The following ITFG1 variants were observed in gnomAD, a reference collection of about 807,000 sequenced individuals.
ITFG1 encodes T-cell immunomodulatory protein.
In ITFG1, 34 loss-of-function variants were observed where a neutral mutation model predicts 81.8. That is an observed-to-expected ratio of 0.42 (90% CI 0.32 to 0.55). The LOEUF (loss-of-function observed/expected upper bound fraction) is 0.55, where lower values mean the gene tolerates loss of function less well. ITFG1 is among the 20% of genes least tolerant of loss of function. The pLI is 0.17. For synonymous variants in ITFG1, 285 were observed against 270.6 expected (o/e 1.05, Z -0.52); for missense variants, 672 against 755.4 (o/e 0.89, Z 1.29).
intron 8 of ITFG1, among the ~76,000 whole-genome samples, chr16:47,319,210 A>C (rs1330914336): frequency 6.6e-6 from 1 of 152,182 alleles, no homozygotes; most frequent in Non-Finnish European, 1.5e-5. Context: ...TGTTGCTATC[A>C]CTACAATCTC....
chr16:47,253,057 A>G (rs1162329258), intron 12 of ITFG1, among the ~76,000 whole-genome samples: 1 of 152,108 alleles, frequency 6.6e-6, no homozygotes, highest in East Asian at 1.9e-4. Flanking sequence ...TCCTGCACCA[A>G]ATTGGCTATC....
intron 8 of ITFG1, among the ~76,000 whole-genome samples, chr16:47,353,739 T>C (rs1327155326): frequency 6.6e-6 from 1 of 151,984 alleles, no homozygotes; most frequent in East Asian, 1.9e-4. Flanking sequence ...AGCATTTCTA[T>C]ACATAATAAT....
intron 12 of ITFG1, among the ~76,000 whole-genome samples, chr16:47,250,986 G>T (rs1355654028): frequency 2.0e-5 from 3 of 152,212 alleles, no homozygotes; most frequent in East Asian, 3.8e-4. Flanking sequence ...GTTCTTGGTA[G>T]CTAAGTAAAG....
At chr16:47,290,752 T>C (rs1966895588) in intron 10 of ITFG1, among the ~76,000 whole-genome samples, 2 of 152,180 alleles carry the variant, frequency 1.3e-5, no homozygotes, top group African/African-American at 4.8e-5. Context: ...TGTTTTTAAA[T>C]CCATTCAGTC....
At chr16:47,432,550 A>C (rs548820492) in intron 5 of ITFG1, among the ~76,000 whole-genome samples, 2 of 152,344 alleles carry the variant, frequency 1.3e-5, no homozygotes, top group Non-Finnish European at 2.9e-5. Context: ...AACACACTTT[A>C]ACCTAAATAA....
At chr16:47,260,879 T>C (rs1046970246) in intron 10 of ITFG1, among the ~76,000 whole-genome samples, 184 bp from the exon 11 acceptor site, 1 of 152,222 alleles carries the variant, frequency 6.6e-6, no homozygotes, top group Non-Finnish European at 1.5e-5. Context: ...TTTTCAACCT[T>C]TGGCAAAAAT....
At chr16:47,338,642 G>A (rs1967740662) in intron 8 of ITFG1, among the ~76,000 whole-genome samples, 1 of 149,518 alleles carries the variant, frequency 6.7e-6, no homozygotes, top group South Asian at 2.1e-4. Context: ...AGACTTACCA[G>A]ACAAAAACTT....
intron 2 of ITFG1, among the ~76,000 whole-genome samples, chr16:47,457,436 C>T (rs370774092): frequency 2.0e-5 from 3 of 151,902 alleles, no homozygotes; most frequent in East Asian, 3.9e-4. Context: ...GATTTAATTA[C>T]ACTGGGACAA....
intron 8 of ITFG1, among the ~76,000 whole-genome samples, chr16:47,348,578 G>T (rs534443665): frequency 1.3e-5 from 2 of 152,194 alleles, no homozygotes; most frequent in African/African-American, 4.8e-5. Context: ...CCAAATCTAC[G>T]TCTGAATGGT....
intron 14 of ITFG1, among the ~76,000 whole-genome samples, chr16:47,198,821 C>T (rs1677903777): frequency 6.6e-6 from 1 of 152,022 alleles, no homozygotes; most frequent in African/African-American, 2.4e-5. Context: ...AAAAATAAAA[C>T]ATTAAAAAAA....
chr16:47,318,677 T>C (rs1482996381), intron 8 of ITFG1, among the ~76,000 whole-genome samples: 1 of 152,160 alleles, frequency 6.6e-6, no homozygotes, highest in Non-Finnish European at 1.5e-5. Flanking sequence ...ACAGAAATAG[T>C]TCAATATTTT....
At chr16:47,301,971 C>T (rs1419002701) in intron 10 of ITFG1, among the ~76,000 whole-genome samples, 2 of 152,010 alleles carry the variant, frequency 1.3e-5, no homozygotes, top group African/African-American at 2.4e-5. Flanking sequence ...CTCATGGATG[C>T]CAGATACTGA....
intron 14 of ITFG1, among the ~76,000 whole-genome samples, chr16:47,214,385 A>T (rs1185153101): frequency 6.6e-6 from 1 of 152,224 alleles, no homozygotes; most frequent in Non-Finnish European, 1.5e-5. Context: ...TAAGTCGTTT[A>T]TGGGGTAGAA....
chr16:47,349,145 G>T (rs754976594), intron 8 of ITFG1, among the ~76,000 whole-genome samples: 62 of 152,172 alleles, frequency 4.1e-4, no homozygotes, highest in Non-Finnish European at 8.2e-4. Flanking sequence ...GGAAGAAACT[G>T]CATCAACTAA....
chr16:47,435,367 A>G (rs1265150479), intron 5 of ITFG1, among the ~76,000 whole-genome samples: 1 of 152,242 alleles, frequency 6.6e-6, no homozygotes, highest in Admixed American at 6.5e-5. Flanking sequence ...AAAGAGAAAC[A>G]GAGGAAAAAG....
chr16:47,254,743 C>A (rs771093913), intron 12 of ITFG1, among the ~76,000 whole-genome samples: 1 of 152,154 alleles, frequency 6.6e-6, no homozygotes, highest in East Asian at 1.9e-4. Flanking sequence ...GTACTTAATG[C>A]GTAACATCTG....
chr16:47,438,815 A>G (rs1371517561), intron 5 of ITFG1, among the ~76,000 whole-genome samples: 1 of 152,236 alleles, frequency 6.6e-6, no homozygotes, highest in African/African-American at 2.4e-5. Flanking sequence ...CTCATCAGCA[A>G]TGGAACAAAG....
intron 8 of ITFG1, among the ~76,000 whole-genome samples, chr16:47,355,695 T>C (rs1312787274): frequency 1.3e-5 from 2 of 152,156 alleles, no homozygotes; most frequent in East Asian, 1.9e-4. Context: ...CTACAAAAAA[T>C]TTATATTCTG....
At position 47,459,038 on chromosome 16, in the gene ITFG1, C is replaced by G. The variant is rs1195248085; in HGVS notation, c.281+65G>C. 3 of 965,220 alleles carry G rather than the reference C, an allele frequency of 3.1e-6. No homozygotes were observed. In the African/African-American group the frequency reaches 4.9e-5, roughly 16 times the overall value. The allele number at this position is 965,220 out of a possible 1,614,324, so 59.8% of individuals were successfully genotyped here. ...GCTGACTTTAAAGACAACCAATCAG[C>G]TACTGCATATCCATTATTATATTAA... On this transcript the variant is annotated intron_variant, in intron 2 of 17. Coordinates refer to ENST00000320640, the MANE Select transcript of ITFG1 (RefSeq NM_030790.5).
Sources: allele counts gnomAD v4.1 joint callset (sites outside exome capture counted in the v4.1 genomes callset), GRCh38; gene constraint gnomAD v4.1.1; transcripts MANE v1.5; gene names NCBI Gene and HGNC (gene_info 2026-07-23, HGNC 2026-07-21).